CELF2: variants seen among roughly 807,000 people sequenced by gnomAD.
CELF2 encodes CUGBP Elav-like family member 2.
CELF2 carries 8 observed loss-of-function variants against 62.6 expected under a neutral mutation model. The ratio of observed to expected loss-of-function variants is 0.13; its 90% CI spans 0.07 to 0.23. The LOEUF (loss-of-function observed/expected upper bound fraction) is 0.23, where lower values mean the gene tolerates loss of function less well. Ranked by LOEUF, CELF2 falls within the 10% of genes least tolerant of loss-of-function variation. CELF2 has a pLI of 1.00. For missense variants in CELF2, 333 were observed against 671.0 expected (o/e 0.50, Z 5.56); for synonymous variants, 258 against 250.0 (o/e 1.03, Z -0.30).
At chr10:10,465,487 A>G in the CELF2 span, among the ~76,000 whole-genome samples, 19 of 152,100 alleles carry the variant, frequency 1.2e-4, no homozygotes, top group Non-Finnish European at 1.9e-4. Context: ...CTATAGCCAC[A>G]CATGTTTTCT....
At chr10:11,184,358 T>G (rs1432564732) in intron 2 of CELF2, among the ~76,000 whole-genome samples, 2 of 152,232 alleles carry the variant, frequency 1.3e-5, no homozygotes, top group Non-Finnish European at 2.9e-5. Flanking sequence ...TTCCTCATTT[T>G]CAAAGTTGTT....
intron 2 of CELF2, among the ~76,000 whole-genome samples, chr10:10,921,670 G>T (rs1040249995): frequency 6.6e-6 from 1 of 152,172 alleles, no homozygotes; most frequent in Non-Finnish European, 1.5e-5. Context: ...AGGCAAGAGG[G>T]CACGGGATCC....
rs1566058624 is a variant in CELF2 at position 11,332,381 on chromosome 10, A to ATATACCAGGTG, written c.*3330_*3340dup. On this transcript the variant is annotated 3_prime_UTR_variant, in exon 13 of 13. Coordinates refer to ENST00000633077, the MANE Select transcript of CELF2 (RefSeq NM_001326342.2). The stretch of plus-strand genomic sequence containing the variant: ...CTCTGATCCCAGTAGGTACCTCTGA[A>ATATACCAGGTG]TATACCAGGTGTCTGGAGTTAGAAG... 6.6e-6 allele frequency: 1 copy of ATATACCAGGTG among 152,372 alleles called. No homozygotes were observed. Among genetic ancestry groups the ATATACCAGGTG allele is most frequent in the South Asian group, 2.1e-4 (1 of 4,834 alleles). 9.4% of individuals were successfully genotyped at this position (152,372 alleles called of 1,614,324 possible).
chr10:11,029,613 C>G, intron 1 of CELF2, among the ~76,000 whole-genome samples: 1 of 152,140 alleles, frequency 6.6e-6, no homozygotes, highest in East Asian at 1.9e-4. Context: ...TTAGGGTGAA[C>G]CAGGGAACTT....
the CELF2 span, among the ~76,000 whole-genome samples, chr10:10,768,336 G>T: frequency 6.6e-6 from 1 of 152,178 alleles, no homozygotes; most frequent in African/African-American, 2.4e-5. Flanking sequence ...GGGATTAGTG[G>T]TAATGTGGCA....
chr10:10,725,969 G>T, the CELF2 span, among the ~76,000 whole-genome samples: 1 of 151,122 alleles, frequency 6.6e-6, no homozygotes, highest in Non-Finnish European at 1.5e-5. Flanking sequence ...GTAAAGATTT[G>T]AAACATAATT....
the CELF2 span, among the ~76,000 whole-genome samples, chr10:10,559,390 A>T: frequency 2.0e-5 from 3 of 152,240 alleles, no homozygotes; most frequent in African/African-American, 7.2e-5. Context: ...TAATTTCCTC[A>T]TTAGTTAAAC....
the CELF2 span, among the ~76,000 whole-genome samples, chr10:10,644,205 T>C: frequency 3.8e-4 from 58 of 152,298 alleles, no homozygotes; most frequent in African/African-American, 1.3e-3. Flanking sequence ...TGGTGAACAG[T>C]GGGTGAAATG....
rs573876368 is a variant in CELF2 at position 10,893,930 on chromosome 10, G to C, written c.54-26034G>C. ...GGGGTTACAATTGAACACGAGATTT[G>C]GGTGGGGACACAGATCCAAACCATA... is the stretch of plus-strand genomic sequence containing the variant. On this transcript the variant is annotated intron_variant, in intron 1 of 13. Transcript: ENST00000636488. Among the ~76,000 whole-genome samples the C allele has an allele frequency of 9.2e-5, 14 of 152,306 alleles. 1 individual carries two copies. In the South Asian group the frequency reaches 2.7e-3, roughly 29 times the overall value.
rs540814096 is a variant in CELF2 at position 11,102,569 on chromosome 10, C to T, written c.75-62917C>T. The stretch of plus-strand genomic sequence containing the variant: ...ATGTGTGTGATTTGTCCTTGAAACT[C>T]GGGGCCCTGTTCTCCTCCCACTACC... On this transcript the variant is annotated intron_variant, in intron 1 of 12. Transcript: ENST00000633077. Among the ~76,000 whole-genome samples the T allele has an allele frequency of 3.3e-5, 5 of 152,272 alleles. No individual in the cohort carries two copies. In the South Asian group the frequency reaches 6.2e-4, roughly 19 times the overall value.
At chr10:11,299,854 C>G (rs2093555172) in intron 9 of CELF2, among the ~76,000 whole-genome samples, 1 of 151,732 alleles carries the variant, frequency 6.6e-6, no homozygotes, top group Non-Finnish European at 1.5e-5. Context: ...TCTGTAAAAA[C>G]AAACATCTGG....
the CELF2 span, among the ~76,000 whole-genome samples, chr10:10,698,360 C>G: frequency 6.6e-6 from 1 of 152,162 alleles, no homozygotes; most frequent in African/African-American, 2.4e-5. Flanking sequence ...CGCTTTGATT[C>G]CTTCATCTGG....
At chr10:10,516,085 G>A in the CELF2 span, among the ~76,000 whole-genome samples, 17 of 152,252 alleles carry the variant, frequency 1.1e-4, no homozygotes, top group South Asian at 2.7e-3. Flanking sequence ...CTCATTTGGT[G>A]ACTGGCGTTT....
At chr10:10,517,080 T>C in the CELF2 span, among the ~76,000 whole-genome samples, 1 of 152,206 alleles carries the variant, frequency 6.6e-6, no homozygotes. Context: ...ATTTTTCCCG[T>C]GAAAGAAGGA....
chr10:10,779,945 GA>G, the CELF2 span, among the ~76,000 whole-genome samples: 1 of 152,124 alleles, frequency 6.6e-6, no homozygotes, highest in African/African-American at 2.4e-5. Context: ...GATCACTGCA[GA>G]AAGGTTTGGG....
Position 10,945,031 on chromosome 10 carries a change from C to A in CELF2, c.89+25032C>A, listed in dbSNP as rs571310952. ...GATCCAGGGCACAGACAGGATCAGC[C>A]TGAGAGGAGAGCCCAGGCTTCCATC... On this transcript the variant is annotated intron_variant, in intron 2 of 13. Coordinates refer to the CELF2 transcript ENST00000636488. Among the ~76,000 whole-genome samples the A allele has an allele frequency of 1.1e-3, 160 of 152,248 alleles. 8 individuals carry two copies. The South Asian group carries it at 0.032, about 30-fold the overall frequency.
At chr10:10,616,253 T>C in the CELF2 span, among the ~76,000 whole-genome samples, 10 of 152,058 alleles carry the variant, frequency 6.6e-5, no homozygotes, top group South Asian at 1.0e-3. Flanking sequence ...TGACTATATT[T>C]TGGAAAATGA....
the CELF2 span, among the ~76,000 whole-genome samples, chr10:10,545,913 C>T: frequency 6.6e-6 from 1 of 152,150 alleles, no homozygotes; most frequent in Non-Finnish European, 1.5e-5. Flanking sequence ...CACGTCTATG[C>T]TTAAAAGCAC....
At chr10:10,767,771 T>C in the CELF2 span, among the ~76,000 whole-genome samples, 5 of 150,510 alleles carry the variant, frequency 3.3e-5, no homozygotes, top group East Asian at 5.9e-4. Context: ...CCGAGGCGGG[T>C]GGATCACAAG....
Sources: allele counts gnomAD v4.1 joint callset (sites outside exome capture counted in the v4.1 genomes callset), GRCh38; gene constraint gnomAD v4.1.1; transcripts MANE v1.5; gene names NCBI Gene and HGNC (gene_info 2026-07-23, HGNC 2026-07-21).